ARHGAP24: variants seen among roughly 807,000 people sequenced by gnomAD.
The protein encoded by ARHGAP24 is rho GTPase-activating protein 24.
Under a neutral mutation model 76.4 loss-of-function variants are expected in ARHGAP24, and 50 were observed. The observed-to-expected ratio is 0.65, with a 90% CI of 0.52 to 0.83. ARHGAP24 has a LOEUF of 0.83. Among genes scored for constraint, ARHGAP24 ranks in the 40% least tolerant of loss-of-function variants. The pLI, the probability that ARHGAP24 is intolerant of heterozygous loss-of-function variation, is 0.00. For synonymous variants in ARHGAP24, 345 were observed against 323.3 expected (o/e 1.07, Z -0.72); for missense variants, 930 against 914.2 (o/e 1.02, Z -0.22).
At chr4:85,836,573 AG>A (rs1349027163) in intron 3 of ARHGAP24, among the ~76,000 whole-genome samples, 1 of 152,180 alleles carries the variant, frequency 6.6e-6, no homozygotes, top group Non-Finnish European at 1.5e-5. Flanking sequence ...ATATTGGATT[AG>A]GGACTACCAC....
intron 3 of ARHGAP24, among the ~76,000 whole-genome samples, chr4:85,849,219 A>G (rs1009920517): frequency 1.5e-4 from 22 of 149,896 alleles, no homozygotes; most frequent in African/African-American, 4.6e-4. Flanking sequence ...ATTGTGAATG[A>G]GAGTTCACTC....
chr4:85,509,950 G>C (rs1724209866), intron 1 of ARHGAP24, among the ~76,000 whole-genome samples: 3 of 152,178 alleles, frequency 2.0e-5, no homozygotes, highest in Non-Finnish European at 4.4e-5. Flanking sequence ...ACAGCACAAA[G>C]ATAGAGTGGT....
At chr4:85,487,323 A>C (rs1337677814) in intron 1 of ARHGAP24, among the ~76,000 whole-genome samples, 5 of 119,446 alleles carry the variant, frequency 4.2e-5, no homozygotes, top group African/African-American at 1.7e-4. Flanking sequence ...TAAAATATAT[A>C]TTTATTATAA....
intron 8 of ARHGAP24, among the ~76,000 whole-genome samples, chr4:85,993,796 C>T (rs924349254): frequency 6.6e-5 from 10 of 152,146 alleles, no homozygotes; most frequent in African/African-American, 2.2e-4. Flanking sequence ...AAGATTAGAG[C>T]AAGTTAAAAC....
chr4:85,811,415 G>A (rs780544350), intron 3 of ARHGAP24, among the ~76,000 whole-genome samples: 1 of 152,182 alleles, frequency 6.6e-6, no homozygotes, highest in Non-Finnish European at 1.5e-5. Flanking sequence ...TGGAAAGAGA[G>A]TTCTAGTCTA....
At chr4:85,535,161 C>G (rs531431448) in intron 1 of ARHGAP24, among the ~76,000 whole-genome samples, 7 of 152,158 alleles carry the variant, frequency 4.6e-5, no homozygotes, top group African/African-American at 1.7e-4. Flanking sequence ...TTTTGTACCC[C>G]TATTCATTTA....
intron 3 of ARHGAP24, among the ~76,000 whole-genome samples, chr4:85,743,123 A>G (rs1240354735): frequency 6.6e-6 from 1 of 152,134 alleles, no homozygotes; most frequent in Non-Finnish European, 1.5e-5. Flanking sequence ...ACCAGAAAGA[A>G]ATTGAAAGCA....
intron 1 of ARHGAP24, among the ~76,000 whole-genome samples, chr4:85,485,721 T>C (rs1439855235): frequency 6.6e-6 from 1 of 151,368 alleles, no homozygotes; most frequent in African/African-American, 2.4e-5. Flanking sequence ...CAAATGGCAG[T>C]GTGCTCCTTT....
intron 5 of ARHGAP24, among the ~76,000 whole-genome samples, chr4:85,961,532 T>C (rs951660103): frequency 1.2e-5 from 1 of 84,574 alleles, no homozygotes; most frequent in Non-Finnish European, 2.4e-5. Context: ...AATATATGTG[T>C]TTTTTCATTG....
At chr4:85,480,734 T>C (rs1722782629) in intron 1 of ARHGAP24, among the ~76,000 whole-genome samples, 1 of 152,142 alleles carries the variant, frequency 6.6e-6, no homozygotes, top group African/African-American at 2.4e-5. Flanking sequence ...GCTACATTTT[T>C]TAAAAAATGT....
At chr4:85,670,174 A>T (rs1722775432) in intron 2 of ARHGAP24, among the ~76,000 whole-genome samples, 1 of 152,172 alleles carries the variant, frequency 6.6e-6, no homozygotes, top group African/African-American at 2.4e-5. Flanking sequence ...TAAGCTGAAC[A>T]TGAACCACGG....
At chr4:85,715,811 A>G (rs1221895399) in intron 2 of ARHGAP24, among the ~76,000 whole-genome samples, 2 of 152,034 alleles carry the variant, frequency 1.3e-5, no homozygotes, top group Non-Finnish European at 2.9e-5. Flanking sequence ...AGACTTTATT[A>G]GCCTTTCTCA....
intron 1 of ARHGAP24, among the ~76,000 whole-genome samples, chr4:85,482,394 C>T (rs918115119): frequency 2.6e-5 from 4 of 152,058 alleles, no homozygotes; most frequent in Non-Finnish European, 5.9e-5. Flanking sequence ...TTTTCAGTAC[C>T]TATAAGATTA....
At chr4:85,778,869 T>C in intron 3 of ARHGAP24, 1 of 985,466 alleles carries the variant, frequency 1.0e-6, no homozygotes, top group Non-Finnish European at 1.2e-6. Context: ...TGTACTTTTT[T>C]GCCAAAAGAA....
Position 85,939,854 on chromosome 4 carries a change from A to G in ARHGAP24, c.392-2212A>G, listed in dbSNP as rs552756326. On this transcript the variant is annotated intron_variant, in intron 4 of 9. Transcript: ENST00000395184. ...AGTAGATTTTCTGTTGGATTTGGAG[A>G]GAACCCTTAGGTAATATATTCATCA... Among the ~76,000 whole-genome samples the G allele has an allele frequency of 2.0e-5, 3 of 152,232 alleles. No individual in the cohort carries two copies. In the South Asian group the frequency reaches 6.2e-4, roughly 32 times the overall value.
intron 2 of ARHGAP24, among the ~76,000 whole-genome samples, chr4:85,581,857 A>C (rs374524331): frequency 6.6e-6 from 1 of 152,062 alleles, no homozygotes; most frequent in Non-Finnish European, 1.5e-5. Flanking sequence ...TAAATAAGCC[A>C]AAGGTACTTT....
chr4:85,991,852 G>A (rs1447500447), intron 8 of ARHGAP24: 1 of 295,536 alleles, frequency 3.4e-6, no homozygotes, highest in East Asian at 5.3e-5. Context: ...GTTATTCATT[G>A]CAAAAAATAC....
chr4:85,773,984 T>C (rs1039673639), intron 3 of ARHGAP24, among the ~76,000 whole-genome samples: 2 of 152,216 alleles, frequency 1.3e-5, no homozygotes, highest in Non-Finnish European at 2.9e-5. Flanking sequence ...TGACTTTGAA[T>C]GAAGTTATTT....
intron 3 of ARHGAP24, among the ~76,000 whole-genome samples, chr4:85,911,580 G>C (rs887798541): frequency 2.6e-5 from 4 of 152,126 alleles, no homozygotes; most frequent in African/African-American, 9.7e-5. Context: ...TGAGAACATT[G>C]AAGACATTGT....
Sources: allele counts gnomAD v4.1 joint callset (sites outside exome capture counted in the v4.1 genomes callset), GRCh38; gene constraint gnomAD v4.1.1; transcripts MANE v1.5; gene names NCBI Gene and HGNC (gene_info 2026-07-23, HGNC 2026-07-21).